TINAG: variants seen among roughly 807,000 people sequenced by gnomAD.
TINAG encodes tubulointerstitial nephritis antigen.
TINAG carries 83 observed loss-of-function variants against 72.7 expected under a neutral mutation model. The observed-to-expected ratio is 1.14, with a 90% CI of 0.96 to 1.37. TINAG has a LOEUF of 1.37. Among genes scored for constraint, TINAG ranks in the 40% most tolerant of loss-of-function variants. TINAG has a pLI of 0.00. For synonymous variants in TINAG, 234 were observed against 189.9 expected, an observed-to-expected ratio of 1.23 and a Z score of -1.91; for missense variants, 685 against 576.6, an observed-to-expected ratio of 1.19 and a Z score of -1.93.
intron 4 of TINAG, among the ~76,000 whole-genome samples, chr6:54,334,773 C>A (rs892115485): frequency 6.6e-6 from 1 of 152,116 alleles, no homozygotes; most frequent in Non-Finnish European, 1.5e-5. Flanking sequence ...AGTAGAATTC[C>A]AATATAGCGT....
Position 54,321,283 on chromosome 6 carries a change from T to C in TINAG, c.420-14T>C. 6.2e-7 allele frequency: 1 copy of C among 1,609,696 alleles called. No homozygotes were observed. The highest frequency in any genetic ancestry group is 8.5e-7 in the Non-Finnish European group (1 of 1,176,442). ...AAAGACCAAGCCACTTTTGTAATTG[T>C]CATATCTTTGCAGCACATGCTCAGG... is the stretch of plus-strand genomic sequence containing the variant. On this transcript the variant is annotated splice_polypyrimidine_tract_variant and intron_variant, in intron 2 of 10. Coordinates refer to ENST00000259782, the MANE Select transcript of TINAG (RefSeq NM_014464.4).
intron 9 of TINAG, among the ~76,000 whole-genome samples, chr6:54,376,966 A>G (rs904824553): frequency 6.6e-6 from 1 of 152,176 alleles, no homozygotes; most frequent in African/African-American, 2.4e-5. Flanking sequence ...GGAATGTGGT[A>G]GATGGGCTAA....
intron 4 of TINAG, among the ~76,000 whole-genome samples, chr6:54,339,939 T>G (rs1428720859): frequency 1.3e-5 from 2 of 152,172 alleles, no homozygotes; most frequent in Non-Finnish European, 2.9e-5. Flanking sequence ...GGATATTGTG[T>G]GGATACAGAC....
At chr6:54,361,830 C>T (rs1276073815) in intron 9 of TINAG, among the ~76,000 whole-genome samples, 1 of 151,570 alleles carries the variant, frequency 6.6e-6, no homozygotes. Context: ...ATTAAGAAAG[C>T]AAAGCAGCCT....
intron 9 of TINAG, among the ~76,000 whole-genome samples, chr6:54,359,377 T>C (rs1763156527): frequency 6.6e-6 from 1 of 151,858 alleles, no homozygotes; most frequent in Non-Finnish European, 1.5e-5. Flanking sequence ...ACTAGGTAAT[T>C]GACTTATACT....
At chr6:54,352,848 CT>C (rs1247218824) in intron 8 of TINAG, among the ~76,000 whole-genome samples, 2 of 151,198 alleles carry the variant, frequency 1.3e-5, no homozygotes, top group African/African-American at 4.9e-5. Context: ...TACTGAAATG[CT>C]CATAAATTTC....
At chr6:54,353,865 T>C (rs1332161912) in intron 8 of TINAG, among the ~76,000 whole-genome samples, 2 of 151,832 alleles carry the variant, frequency 1.3e-5, no homozygotes, top group East Asian at 1.9e-4. Flanking sequence ...GGCTTCACCC[T>C]GAATTGCCAA....
chr6:54,320,534 T>A, intron 1 of TINAG, 45 bp from the exon 2 acceptor site: 5 of 1,470,012 alleles, frequency 3.4e-6, no homozygotes, highest in Non-Finnish European at 4.7e-6. Flanking sequence ...ATGCACTTTA[T>A]TACTTAGTTT....
chr6:54,351,311 C>T (rs2150960885), intron 7 of TINAG, 41 bp from the exon 8 acceptor site: 2 of 1,556,760 alleles, frequency 1.3e-6, no homozygotes, highest in Non-Finnish European at 1.8e-6. Flanking sequence ...TTAGTATGCT[C>T]TGATAACAAT....
At chr6:54,314,105 C>G (rs1040863556) in intron 1 of TINAG, among the ~76,000 whole-genome samples, 27 of 152,098 alleles carry the variant, frequency 1.8e-4, no homozygotes, top group African/African-American at 6.5e-4. Context: ...GAGTATCACC[C>G]AGGAAAGTTG....
intron 4 of TINAG, chr6:54,327,284 G>A: frequency 8.3e-7 from 1 of 1,203,562 alleles, no homozygotes; most frequent in African/African-American, 1.5e-5. Flanking sequence ...TTAGACAGTG[G>A]GTGCAGCCCA....
intron 1 of TINAG, among the ~76,000 whole-genome samples, chr6:54,311,043 T>G (rs192995298): frequency 6.6e-6 from 1 of 151,772 alleles, no homozygotes; most frequent in Admixed American, 6.6e-5. Flanking sequence ...GCCATTCCCA[T>G]CTTTCTCCAA....
At chr6:54,380,948 T>C (rs1271645488) in intron 10 of TINAG, among the ~76,000 whole-genome samples, 1 of 148,402 alleles carries the variant, frequency 6.7e-6, no homozygotes. Flanking sequence ...TACATATATA[T>C]GTATATATAT....
At chr6:54,353,753 C>T (rs771278852) in intron 8 of TINAG, among the ~76,000 whole-genome samples, 29 of 151,840 alleles carry the variant, frequency 1.9e-4, no homozygotes, top group Non-Finnish European at 2.7e-4. Context: ...ATTTAAAATG[C>T]TTGTCAAATT....
chr6:54,341,154 T>C (rs1784987206), intron 4 of TINAG, among the ~76,000 whole-genome samples: 1 of 152,172 alleles, frequency 6.6e-6, no homozygotes, highest in South Asian at 2.1e-4. Flanking sequence ...TCCACTATTT[T>C]TCTGAAAACA....
chr6:54,329,440 C>T (rs750483673), intron 4 of TINAG, among the ~76,000 whole-genome samples: 1 of 152,040 alleles, frequency 6.6e-6, no homozygotes. Flanking sequence ...ATTTAGTCAC[C>T]ACCAGGCTTG....
chr6:54,337,500 C>T (rs1317189192), intron 4 of TINAG, among the ~76,000 whole-genome samples: 1 of 152,012 alleles, frequency 6.6e-6, no homozygotes, highest in African/African-American at 2.4e-5. Flanking sequence ...GTGATCCGCC[C>T]GCTTCGGCCT....
At chr6:54,363,109 C>T (rs1763290400) in intron 9 of TINAG, among the ~76,000 whole-genome samples, 2 of 151,406 alleles carry the variant, frequency 1.3e-5, no homozygotes, top group East Asian at 2.0e-4. Flanking sequence ...TGTGTGAAGT[C>T]CCTATGCTTA....
At chr6:54,316,657 T>C (rs1784379486) in intron 1 of TINAG, among the ~76,000 whole-genome samples, 1 of 152,152 alleles carries the variant, frequency 6.6e-6, no homozygotes, top group African/African-American at 2.4e-5. Context: ...AGACAACATG[T>C]CATTATCTTT....
Sources: allele counts gnomAD v4.1 joint callset (sites outside exome capture counted in the v4.1 genomes callset), GRCh38; gene constraint gnomAD v4.1.1; transcripts MANE v1.5; gene names NCBI Gene and HGNC (gene_info 2026-07-23, HGNC 2026-07-21).